Variants in ABCC12 observed in about 807,000 individuals in gnomAD.
ABCC12 encodes the protein ATP-binding cassette sub-family C member 12.
A neutral mutation model predicts 151.1 loss-of-function variants in ABCC12; 142 were observed. The observed-to-expected ratio is 0.94, with a 90% CI of 0.82 to 1.08. The LOEUF (loss-of-function observed/expected upper bound fraction) is 1.08, where lower values mean the gene tolerates loss of function less well. Ranked by LOEUF, ABCC12 falls within the 50% of genes least tolerant of loss-of-function variation. The pLI is 0.00. For missense variants in ABCC12, 1,638 were observed against 1,691.1 expected (o/e 0.97, Z 0.55); for synonymous variants, 645 against 646.4 (o/e 1.00, Z 0.03).
intron 29 of ABCC12, 110 bp from the exon 30 acceptor site, chr16:48,084,183 T>C: frequency 8.8e-7 from 1 of 1,134,374 alleles, no homozygotes; most frequent in Non-Finnish European, 1.2e-6. Context: ...GACCACAAGA[T>C]GAAAAGTAAT....
intron 11 of ABCC12, among the ~76,000 whole-genome samples, chr16:48,125,380 T>G (rs781615683): frequency 6.6e-6 from 1 of 152,124 alleles, no homozygotes; most frequent in Non-Finnish European, 1.5e-5. Flanking sequence ...CTCTAGTCTG[T>G]GAAGGTCTTT....
intron 3 of ABCC12, among the ~76,000 whole-genome samples, chr16:48,145,170 C>A (rs1399699446): frequency 6.6e-6 from 1 of 152,158 alleles, no homozygotes; most frequent in African/African-American, 2.4e-5. Context: ...ACCTCCACCT[C>A]TCACCTTGGA....
Position 48,151,915 on chromosome 16 carries a change from T to C in ABCC12, c.-51+1701A>G, listed in dbSNP as rs111541230. Among the ~76,000 whole-genome samples, 270 of 152,060 alleles carry C rather than the reference T, an allele frequency of 1.8e-3. 4 individuals are homozygous for C. The highest frequency in any genetic ancestry group is 5.7e-3 in the African/African-American group (237 of 41,464). ...AATACGGTCTGGGAGGAGGACGGGG[T>C]TAGGGAGGACTTTTGTGGGAGGTGA... On this transcript the variant is annotated intron_variant, in intron 2 of 30. Transcript: ENST00000311303.
intron 15 of ABCC12, 100 bp downstream of exon 15, chr16:48,115,315 C>G (rs928389765): frequency 1.6e-5 from 21 of 1,350,160 alleles, no homozygotes; most frequent in Non-Finnish European, 2.1e-5. Context: ...ACATTCCCAG[C>G]TGAAGACAGG....
intron 14 of ABCC12, 115 bp from the exon 15 acceptor site, chr16:48,115,733 G>T: frequency 1.8e-6 from 2 of 1,109,536 alleles, no homozygotes; most frequent in Non-Finnish European, 2.5e-6. Context: ...ACTGATCCTC[G>T]CCATATCCAA....
At position 48,083,738 on chromosome 16, in the gene ABCC12, G is replaced by A. The variant is rs751185277; in HGVS notation, c.4057C>T (p.Leu1353=). 2.5e-6 allele frequency: 4 copies of A among 1,614,210 alleles called. No individual in the cohort carries two copies. Among genetic ancestry groups the A allele is most frequent in the Non-Finnish European group, 3.4e-6 (4 of 1,180,030 alleles). Residue 1353 remains leucine, a synonymous_variant, in exon 31 of 31, where the codon CTA becomes TTA. Coordinates refer to ENST00000311303, the MANE Select transcript of ABCC12 (RefSeq NM_001393797.1). ...CTCTACAATCTGACTTCTGCTGCTA[G>A]TAACATCGCAAATGCAGAATCTGGC... is the stretch of plus-strand genomic sequence containing the variant. The part of the protein sequence containing the change: ...EKPDSAFAML[L]AAEVRL
intron 10 of ABCC12, among the ~76,000 whole-genome samples, chr16:48,129,337 C>T (rs1053585777): frequency 1.3e-5 from 2 of 152,294 alleles, no homozygotes; most frequent in South Asian, 2.1e-4. Flanking sequence ...CTCTCATTCT[C>T]GAGGTCCATG....
At chr16:48,150,367 G>A (rs1014099266) in intron 2 of ABCC12, among the ~76,000 whole-genome samples, 2 of 152,096 alleles carry the variant, frequency 1.3e-5, no homozygotes, top group African/African-American at 2.4e-5. Context: ...GAAAATGGAT[G>A]AACAAATTGT....
chr16:48,115,135 C>A (rs572211456), intron 15 of ABCC12, among the ~76,000 whole-genome samples: 14 of 152,234 alleles, frequency 9.2e-5, no homozygotes, highest in East Asian at 1.9e-4. Flanking sequence ...GGGAAGGGTG[C>A]CCCAATCCAC....
intron 23 of ABCC12, among the ~76,000 whole-genome samples, chr16:48,097,422 C>T (rs1290230017): frequency 6.6e-6 from 1 of 151,934 alleles, no homozygotes; most frequent in Non-Finnish European, 1.5e-5. Flanking sequence ...GTTTCCCTCC[C>T]TGAATCAGAG....
chr16:48,146,538 T>A, intron 2 of ABCC12, 64 bp from the exon 3 acceptor site: 1 of 823,172 alleles, frequency 1.2e-6, no homozygotes, highest in Non-Finnish European at 2.0e-6. Context: ...TCAGGCAGCC[T>A]CTACTTTACC....
chr16:48,103,629 A>G (rs1193581989), intron 22 of ABCC12, among the ~76,000 whole-genome samples: 6 of 152,016 alleles, frequency 3.9e-5, no homozygotes, highest in African/African-American at 1.4e-4. Context: ...CCCAATACCC[A>G]CCATGCTACC....
intron 15 of ABCC12, among the ~76,000 whole-genome samples, chr16:48,112,347 G>A (rs1456284376): frequency 6.6e-6 from 1 of 152,176 alleles, no homozygotes; most frequent in Non-Finnish European, 1.5e-5. Flanking sequence ...TGTAGTCCCG[G>A]CACTTTGGGA....
In ABCC12 at chr16:48,115,286, C is replaced by T. The variant is rs979477199; in HGVS notation, c.1989+129G>A. 13 of 1,099,634 alleles carry T rather than the reference C, an allele frequency of 1.2e-5. No homozygotes were observed. In the South Asian group the frequency reaches 1.3e-4, roughly 11 times the overall value. 68.1% of individuals were successfully genotyped at this position (1,099,634 alleles called of 1,614,324 possible). On this transcript the variant is annotated intron_variant, in intron 15 of 30. Transcript: ENST00000311303. ...GCTGGGGAATCATGAGTGTCTCTTG[C>T]ATCCCTGGCTCCCTCCCCACATTCC... is the stretch of plus-strand genomic sequence containing the variant.
Position 48,084,050 on chromosome 16 carries a change from G to A in ABCC12, c.3852C>T (p.Thr1284=), listed in dbSNP as rs200251351. ...NSKIILLDEA[T]ASMDSKTDTL... ...TGTCAGTCTTGGAGTCCATAGAGGC[G>A]GTGGCTTCATCAAGGAGAATGATCT... The change falls in exon 30 of 31, where the codon ACC becomes ACT. Residue 1284 remains threonine (T), a synonymous_variant. Transcript: ENST00000311303. 154 of 1,609,772 alleles carry A rather than the reference G, an allele frequency of 9.6e-5. No homozygotes were observed. The Middle Eastern group carries it at 9.9e-4, about 10-fold the overall frequency.
chr16:48,105,180 G>T lies in ABCC12; in HGVS notation c.2632C>A (p.Leu878Met), dbSNP rs1486818251. ...TKGFVFTKTT[L>M]MASSSLHDTV... The stretch of plus-strand genomic sequence containing the variant: ...TCATGCAGAGAGGAGGATGCCATCA[G>T]TGTGGTCTTGGTGAAGACGAAGCCT... The change falls in exon 21 of 31, where the codon CTG becomes ATG. Residue 878 changes from leucine (L) to methionine (M), a missense_variant. By Grantham distance (15) the Leu-to-Met change is conservative. Transcript: ENST00000311303. 5.0e-6 allele frequency: 8 copies of T among 1,614,080 alleles called. No individual in the cohort carries two copies. The South Asian group carries it at 5.5e-5, about 11-fold the overall frequency.
At position 48,141,287 on chromosome 16, in the gene ABCC12, C is replaced by T. The variant is rs976163077; in HGVS notation, c.342G>A (p.Val114=). ...CGCGTGTCCTCTGGAATTTCCACAC[C>T]ACGTGGCTCAGAGAGGCCTTCTCAG... ...VGPEKASLSH[V]VWKFQRTRVL... The change falls in exon 5 of 31, where the codon GTG becomes GTA. Residue 114 remains valine (V), a synonymous_variant. Coordinates refer to ENST00000311303, the MANE Select transcript of ABCC12 (RefSeq NM_001393797.1). 1 of 1,614,118 alleles carries T rather than the reference C, an allele frequency of 6.2e-7. No homozygotes were observed. The highest frequency in any genetic ancestry group is 1.7e-5 in the Admixed American group (1 of 60,012).
intron 24 of ABCC12, 144 bp from the exon 25 acceptor site, chr16:48,091,353 C>T: frequency 1.4e-6 from 1 of 719,830 alleles, no homozygotes. Flanking sequence ...CCTTCCCAGC[C>T]AAGCGCCCAG....
Position 48,111,473 on chromosome 16 carries a change from T to C in ABCC12, c.2244A>G (p.Lys748=), listed in dbSNP as rs758803921. The change falls in exon 18 of 31, where the codon AAA becomes AAG. Residue 748 remains lysine (K), a synonymous_variant. Coordinates refer to ENST00000311303, the MANE Select transcript of ABCC12 (RefSeq NM_001393797.1). ...LAPGNEKDEG[K]ESETGSEFVD... ...CAAATTCTGAGCCTGTTTCAGATTC[T>C]TTTCCTTCATCTTTCTCATTTCCTG... The C allele has an allele frequency of 6.2e-7, 1 of 1,614,088 alleles. No homozygotes were observed. Among genetic ancestry groups the C allele is most frequent in the African/African-American group, 1.3e-5 (1 of 74,942 alleles).
Sources: gnomAD v4.1 joint callset for allele counts (sites outside exome capture counted in the v4.1 genomes callset) on GRCh38, gnomAD v4.1.1 for gene constraint, MANE v1.5 for transcripts, NCBI Gene and HGNC (gene_info 2026-07-23, HGNC 2026-07-21) for gene names.